The following CDH23 variants were observed in gnomAD, a reference collection of about 807,000 sequenced individuals.
The protein encoded by CDH23 is cadherin related 23, also known as cadherin-23.
In CDH23, 189 loss-of-function variants were observed where a neutral mutation model predicts 317.1. That is an observed-to-expected ratio of 0.60 (90% CI 0.53 to 0.67). CDH23 has a LOEUF of 0.67. Ranked by LOEUF, CDH23 falls within the 30% of genes least tolerant of loss-of-function variation. CDH23 has a pLI of 0.00. For synonymous variants in CDH23, 1,839 were observed against 1,876.8 expected (o/e 0.98, Z 0.52); for missense variants, 4,401 against 4,592.4 (o/e 0.96, Z 1.20).
intron 3 of CDH23, among the ~76,000 whole-genome samples, chr10:71,473,104 G>A (rs1662955388): frequency 6.6e-6 from 1 of 152,172 alleles, no homozygotes; most frequent in Non-Finnish European, 1.5e-5. Context: ...GAGGAGCCAG[G>A]CCCCAGAGCT....
chr10:71,740,238 G>A (rs1839696940), intron 36 of CDH23, among the ~76,000 whole-genome samples: 3 of 152,254 alleles, frequency 2.0e-5, no homozygotes. Context: ...GAATGGCCAT[G>A]GCTGGGATGT....
chr10:71,734,202 C>T (rs375759451), intron 32 of CDH23, 38 bp from the exon 33 acceptor site: 24 of 1,514,078 alleles, frequency 1.6e-5, no homozygotes, highest in Admixed American at 9.3e-5. Context: ...AACAAGGGTG[C>T]GATGTTGTCA....
In CDH23 at chr10:71,645,829, A is replaced by G; in HGVS notation, c.1141-2A>G. 8 of 1,608,020 alleles carry G rather than the reference A, an allele frequency of 5.0e-6. No homozygotes were observed. Among genetic ancestry groups the G allele is most frequent in the South Asian group, 1.1e-5 (1 of 90,822 alleles). Reference sequence around the variant, plus strand: ...CTGGCTTCTTCTGCACTCTTGACCCAGGGCCTGAACAGCATGTTTGAGGTG... The same window carrying G: ...CTGGCTTCTTCTGCACTCTTGACCCGGGGCCTGAACAGCATGTTTGAGGTG... On this transcript the variant is annotated splice_acceptor_variant, in intron 12 of 69. Coordinates refer to ENST00000224721, the MANE Select transcript of CDH23 (RefSeq NM_022124.6). LOFTEE classifies it high-confidence loss of function.
chr10:71,616,293 C>T (rs1683435886), intron 10 of CDH23, among the ~76,000 whole-genome samples: 1 of 152,248 alleles, frequency 6.6e-6, no homozygotes, highest in South Asian at 2.1e-4. Context: ...AGGCCAGGGG[C>T]TCTGGGAAGG....
intron 34 of CDH23, chr10:71,737,720 C>T (rs1404149092): frequency 2.1e-6 from 1 of 470,930 alleles, no homozygotes; most frequent in Non-Finnish European, 4.4e-6. Context: ...CAGTGAACCC[C>T]TGGGTACCTG....
At chr10:71,568,567 A>C (rs575217816) in intron 7 of CDH23, among the ~76,000 whole-genome samples, 1 of 152,328 alleles carries the variant, frequency 6.6e-6, no homozygotes, top group Admixed American at 6.5e-5. Flanking sequence ...GCTTGGAAGC[A>C]GCAGAACAGG....
intron 1 of CDH23, among the ~76,000 whole-genome samples, chr10:71,418,084 C>CT (rs1848606544): frequency 6.6e-6 from 1 of 152,126 alleles, no homozygotes; most frequent in Non-Finnish European, 1.5e-5. Flanking sequence ...CATCATTCAT[C>CT]TTTTTTCAAC....
At chr10:71,583,099 G>C (rs1858758168) in intron 9 of CDH23, among the ~76,000 whole-genome samples, 1 of 152,226 alleles carries the variant, frequency 6.6e-6, no homozygotes, top group African/African-American at 2.4e-5. Flanking sequence ...CAAAAGCCAG[G>C]CATTGCAGGA....
At chr10:71,594,306 C>CCTTT (rs1186085071) in intron 9 of CDH23, among the ~76,000 whole-genome samples, 7 of 151,474 alleles carry the variant, frequency 4.6e-5, no homozygotes, top group African/African-American at 7.3e-5. Flanking sequence ...TTTCTTTCTT[C>CCTTT]CTTTCTTTCT....
At chr10:71,800,852 A>G in intron 53 of CDH23, 97 bp downstream of exon 53, 1 of 1,512,082 alleles carries the variant, frequency 6.6e-7, no homozygotes, top group Non-Finnish European at 9.0e-7. Flanking sequence ...GACTGGGAGC[A>G]GAGCCCCCCG....
At chr10:71,667,340 G>A (rs1361379960) in intron 14 of CDH23, among the ~76,000 whole-genome samples, 1 of 104,680 alleles carries the variant, frequency 9.6e-6, no homozygotes, top group African/African-American at 3.8e-5. Context: ...TGCTGCTTGA[G>A]GCAGAGAAAG....
intron 3 of CDH23, among the ~76,000 whole-genome samples, chr10:71,493,238 G>A (rs1852765476): frequency 6.6e-6 from 1 of 152,128 alleles, no homozygotes; most frequent in African/African-American, 2.4e-5. Context: ...CTGAGTGAAA[G>A]CAGCTCAAAC....
intron 29 of CDH23, 85 bp downstream of exon 29, chr10:71,724,190 AT>A: frequency 6.9e-7 from 1 of 1,452,170 alleles, no homozygotes; most frequent in South Asian, 1.2e-5. Flanking sequence ...GGTCTGGGAG[AT>A]GAGGCCAAGA....
rs1849272397 is a variant in CDH23 at position 71,429,613 on chromosome 10, G to T, written c.-5-10214G>T. Among the ~76,000 whole-genome samples, 3 of 152,026 alleles carry T rather than the reference G, an allele frequency of 2.0e-5. No homozygotes were observed. The South Asian group carries it at 6.3e-4, about 32-fold the overall frequency. ...AGTGTGGCTGAAATACAGTGATCGGGGACAGGGGGGAAAGTCGTATTTAGC... is the reference window on the plus strand; with the variant it reads ...AGTGTGGCTGAAATACAGTGATCGGTGACAGGGGGGAAAGTCGTATTTAGC... On this transcript the variant is annotated intron_variant, in intron 1 of 69. Coordinates refer to ENST00000224721, the MANE Select transcript of CDH23 (RefSeq NM_022124.6).
chr10:71,425,179 G>T (rs933052235), intron 1 of CDH23, among the ~76,000 whole-genome samples: 6 of 150,656 alleles, frequency 4.0e-5, no homozygotes, highest in African/African-American at 1.5e-4. Flanking sequence ...GGGTGAGGGT[G>T]GAAGGGGAGG....
intron 9 of CDH23, among the ~76,000 whole-genome samples, chr10:71,612,330 C>T (rs2132507158): frequency 6.6e-6 from 1 of 151,700 alleles, no homozygotes; most frequent in Non-Finnish European, 1.5e-5. Flanking sequence ...AGAAGGTTGC[C>T]TAGGTCGGGG....
intron 18 of CDH23, among the ~76,000 whole-genome samples, chr10:71,684,594 T>C (rs1385533787): frequency 4.6e-5 from 7 of 152,228 alleles, no homozygotes; most frequent in African/African-American, 1.7e-4. Context: ...GTAATCGTGA[T>C]ACCTGCCTCA....
intron 38 of CDH23, among the ~76,000 whole-genome samples, chr10:71,764,570 T>C (rs1840482177): frequency 1.3e-5 from 2 of 152,204 alleles, no homozygotes; most frequent in South Asian, 4.1e-4. Context: ...AATCAGAAGA[T>C]AATGCTAAAC....
intron 30 of CDH23, among the ~76,000 whole-genome samples, chr10:71,727,024 T>G (rs1372967034): frequency 6.6e-6 from 1 of 152,222 alleles, no homozygotes. Flanking sequence ...CCACACCTGC[T>G]CAGCTACTTA....
Sources: allele counts gnomAD v4.1 joint callset (sites outside exome capture counted in the v4.1 genomes callset), GRCh38; gene constraint gnomAD v4.1.1; transcripts MANE v1.5; gene names NCBI Gene and HGNC (gene_info 2026-07-23, HGNC 2026-07-21).